The following SEL1L variants were observed in gnomAD, a reference collection of about 807,000 sequenced individuals.
The protein encoded by SEL1L is protein sel-1 homolog 1.
SEL1L carries 52 observed loss-of-function variants against 109.8 expected under a neutral mutation model. The ratio of observed to expected loss-of-function variants is 0.47; its 90% CI spans 0.38 to 0.60. SEL1L has a LOEUF of 0.60. SEL1L is among the 20% of genes least tolerant of loss of function. The pLI is 0.00. For synonymous variants in SEL1L, 373 were observed against 339.6 expected (o/e 1.10, Z -1.08); for missense variants, 749 against 962.2 (o/e 0.78, Z 2.93).
chr14:81,504,710 G>A (rs1276970504), intron 4 of SEL1L, among the ~76,000 whole-genome samples: 2 of 151,926 alleles, frequency 1.3e-5, no homozygotes, highest in Admixed American at 1.3e-4. Flanking sequence ...TCTCTCACCT[G>A]TAAGGCCTGG....
chr14:81,517,738 T>C (rs1884758154), intron 3 of SEL1L, among the ~76,000 whole-genome samples: 1 of 152,234 alleles, frequency 6.6e-6, no homozygotes, highest in Non-Finnish European at 1.5e-5. Flanking sequence ...TAAACACCTG[T>C]AATTTTGTAA....
chr14:81,529,324 T>G (rs886299085), intron 1 of SEL1L, among the ~76,000 whole-genome samples: 1 of 152,198 alleles, frequency 6.6e-6, no homozygotes, highest in Non-Finnish European at 1.5e-5. Flanking sequence ...GTATATGTAA[T>G]TAATCACAAA....
At chr14:81,510,514 C>CTCTCTCTATATATATATATA (rs35474067) in intron 3 of SEL1L, among the ~76,000 whole-genome samples, 45 of 104,066 alleles carry the variant, frequency 4.3e-4, no homozygotes, top group African/African-American at 1.2e-3. Flanking sequence ...CTCTCTCTCT[C>CTCTCTCTATATATATATATA]TATATATATA....
At chr14:81,492,622 T>C (rs1883589200) in intron 11 of SEL1L, 74 bp from the exon 12 acceptor site, 2 of 990,244 alleles carry the variant, frequency 2.0e-6, no homozygotes, top group Non-Finnish European at 3.0e-6. Context: ...AAAATAATTA[T>C]TTCAGGAACA....
intron 20 of SEL1L, 82 bp from the exon 21 acceptor site, chr14:81,477,263 G>T: frequency 1.9e-6 from 2 of 1,079,330 alleles, no homozygotes; most frequent in Non-Finnish European, 2.7e-6. Context: ...CCAGAAGTAA[G>T]TACAGAAATT....
intron 1 of SEL1L, among the ~76,000 whole-genome samples, chr14:81,531,682 G>A (rs940899601): frequency 3.3e-5 from 5 of 151,968 alleles, no homozygotes; most frequent in African/African-American, 9.7e-5. Flanking sequence ...AGCCTCCCGA[G>A]TAGCTGGAAC....
intron 16 of SEL1L, 131 bp from the exon 17 acceptor site, chr14:81,486,585 G>T: frequency 1.3e-6 from 1 of 756,850 alleles, no homozygotes; most frequent in Non-Finnish European, 2.0e-6. Context: ...TTCTTGAACA[G>T]ACATAAAAGT....
chr14:81,498,283 C>T, intron 9 of SEL1L, 130 bp downstream of exon 9: 1 of 835,190 alleles, frequency 1.2e-6, no homozygotes, highest in Non-Finnish European at 1.8e-6. Context: ...TGAACCTCAA[C>T]TAGTTTAAAG....
chr14:81,518,163 G>A (rs1884773908), intron 3 of SEL1L, among the ~76,000 whole-genome samples: 1 of 151,710 alleles, frequency 6.6e-6, no homozygotes, highest in Non-Finnish European at 1.5e-5. Flanking sequence ...AAAATGCTGG[G>A]ATTACAGGCA....
At chr14:81,526,171 G>A (rs1355767721) in intron 3 of SEL1L, among the ~76,000 whole-genome samples, 1 of 152,072 alleles carries the variant, frequency 6.6e-6, no homozygotes, top group African/African-American at 2.4e-5. Flanking sequence ...ATTTTTAAAA[G>A]GATTAATATT....
intron 9 of SEL1L, 139 bp from the exon 10 acceptor site, chr14:81,498,185 C>T (rs897423705): frequency 5.7e-5 from 52 of 909,416 alleles, no homozygotes; most frequent in Non-Finnish European, 7.0e-5. Flanking sequence ...CTATATAGAT[C>T]GCAAATCAGT....
At chr14:81,510,502 CTCTCTCTCTCTCTATA>C (rs1361100863) in intron 3 of SEL1L, among the ~76,000 whole-genome samples, 6 of 126,288 alleles carry the variant, frequency 4.8e-5, no homozygotes, top group East Asian at 2.4e-4. Context: ...CTCTCTCTCT[CTCTCTCTCTCTCTATA>C]TATATATATA....
In SEL1L at chr14:81,485,733, A is replaced by C. The variant is rs773567755; in HGVS notation, c.1812T>G (p.Ile604Met). Residue 604 changes from isoleucine (I) to methionine (M), a missense_variant, in exon 18 of 21, where the codon ATT (isoleucine) becomes ATG (methionine). This residue lies in a region of SEL1L where 383 missense variants were observed against 562.5 expected (regional missense o/e 0.68). Coordinates refer to ENST00000336735, the MANE Select transcript of SEL1L (RefSeq NM_005065.6). ...AFILDQREAS[I>M]VGENETYPRA... Reference sequence around the variant, plus strand: ...TGGGATAAGTTTCATTCTCACCTACAATGCTTGCTTCTCCTACAGGAAAAG... The same window carrying C: ...TGGGATAAGTTTCATTCTCACCTACCATGCTTGCTTCTCCTACAGGAAAAG... 1 of 1,613,838 alleles carries C rather than the reference A, an allele frequency of 6.2e-7. No homozygotes were observed. Among genetic ancestry groups the C allele is most frequent in the Non-Finnish European group, 8.5e-7 (1 of 1,179,888 alleles).
intron 19 of SEL1L, among the ~76,000 whole-genome samples, chr14:81,483,029 A>C (rs987294374): frequency 6.6e-6 from 1 of 152,226 alleles, no homozygotes; most frequent in African/African-American, 2.4e-5. Context: ...ACACAACTGA[A>C]GAGGGACCTA....
rs374908462 is a variant in SEL1L, at chr14:81,520,899, A to G, written c.340+5834T>C. 1.4e-4 allele frequency among the ~76,000 whole-genome samples: 21 copies of G among 152,144 alleles called. 2 individuals carry two copies. Among genetic ancestry groups the G allele is most frequent in the Admixed American group, 1.2e-3 (19 of 15,266 alleles). Reference sequence around the variant, plus strand: ...AACAGCTTTCTTTCGTGGAATTGACACTCTACAGGCATTACTTAGAGGCCT... The same window carrying G: ...AACAGCTTTCTTTCGTGGAATTGACGCTCTACAGGCATTACTTAGAGGCCT... On this transcript the variant is annotated intron_variant, in intron 3 of 20. Transcript: ENST00000336735.
At chr14:81,518,765 T>G (rs2140048298) in intron 3 of SEL1L, among the ~76,000 whole-genome samples, 1 of 152,238 alleles carries the variant, frequency 6.6e-6, no homozygotes, top group Non-Finnish European at 1.5e-5. Flanking sequence ...GGGAATTGTT[T>G]TAACTGGCTA....
At chr14:81,517,077 C>T (rs922642266) in intron 3 of SEL1L, among the ~76,000 whole-genome samples, 19 of 152,042 alleles carry the variant, frequency 1.2e-4, no homozygotes, top group African/African-American at 4.3e-4. Context: ...ATGGTGAAAG[C>T]GTTAAGAAGA....
rs745599895 is a variant in SEL1L at position 81,472,570 on chromosome 14, T to C, written c.*4402A>G. 7 of 457,540 alleles carry C rather than the reference T, an allele frequency of 1.5e-5. No individual in the cohort carries two copies. Among genetic ancestry groups the C allele is most frequent in the African/African-American group, 6.0e-5 (3 of 49,724 alleles). The allele number at this position is 457,540 out of a possible 1,614,324, so 28.3% of individuals were successfully genotyped here. A position where few individuals can be genotyped will look rare whatever the true frequency, so the allele number is the denominator to read the frequency against. The stretch of plus-strand genomic sequence containing the variant: ...GTGGTACGTGTCTCTGCAAGTCCTC[T>C]TAAAAAATTCCTGGGACAAGGCAAT... On this transcript the variant is annotated 3_prime_UTR_variant, in exon 21 of 21. Coordinates refer to ENST00000336735, the MANE Select transcript of SEL1L (RefSeq NM_005065.6).
At chr14:81,532,826 T>C (rs1885382848) in intron 1 of SEL1L, among the ~76,000 whole-genome samples, 2 of 152,166 alleles carry the variant, frequency 1.3e-5, no homozygotes, top group Admixed American at 1.3e-4. Flanking sequence ...CTGAAACTGA[T>C]TAAAATTCCA....
Sources: gnomAD v4.1 joint callset for allele counts (sites outside exome capture counted in the v4.1 genomes callset) on GRCh38, gnomAD v4.1.1 for gene constraint, gnomAD v4.1.1 regional missense constraint, MANE v1.5 for transcripts, NCBI Gene and HGNC (gene_info 2026-07-23, HGNC 2026-07-21) for gene names.